Variants in COP1 observed in about 807,000 individuals in gnomAD.
The protein encoded by COP1 is E3 ubiquitin-protein ligase COP1.
In COP1, 24 loss-of-function variants were observed where a neutral mutation model predicts 101.3. That is an observed-to-expected ratio of 0.24 (90% CI 0.17 to 0.33). The LOEUF (loss-of-function observed/expected upper bound fraction) is 0.33, where lower values mean the gene tolerates loss of function less well. Among genes scored for constraint, COP1 ranks in the 10% least tolerant of loss-of-function variants. The pLI, the probability that COP1 is intolerant of heterozygous loss-of-function variation, is 1.00. For missense variants in COP1, 663 were observed against 906.2 expected (o/e 0.73, Z 3.45); for synonymous variants, 347 against 341.9 (o/e 1.01, Z -0.17).
intron 11 of COP1, among the ~76,000 whole-genome samples, chr1:176,057,906 C>T (rs1225528806): frequency 6.6e-6 from 1 of 151,990 alleles, no homozygotes; most frequent in Non-Finnish European, 1.5e-5. Flanking sequence ...CTCTGCCCGG[C>T]CGCCCATCCT....
chr1:176,005,919 T>C (rs1663066179), intron 15 of COP1, among the ~76,000 whole-genome samples: 1 of 152,158 alleles, frequency 6.6e-6, no homozygotes. Flanking sequence ...ACTTTCTGTC[T>C]CGTTGATCTG....
At chr1:176,010,606 CA>C (rs1664489976) in intron 15 of COP1, among the ~76,000 whole-genome samples, 1 of 152,134 alleles carries the variant, frequency 6.6e-6, no homozygotes, top group Non-Finnish European at 1.5e-5. Context: ...TCTATCACAT[CA>C]AAAGAAGAGG....
At chr1:176,133,255 C>CGT (rs2149717100) in intron 8 of COP1, among the ~76,000 whole-genome samples, 1 of 150,916 alleles carries the variant, frequency 6.6e-6, no homozygotes, top group African/African-American at 2.4e-5. Flanking sequence ...TACACACATA[C>CGT]GTATATACGT....
chr1:176,131,921 C>T (rs1688955251), intron 8 of COP1, among the ~76,000 whole-genome samples: 1 of 151,604 alleles, frequency 6.6e-6, no homozygotes, highest in Non-Finnish European at 1.5e-5. Context: ...AACTGCTAAC[C>T]CATTTAACTC....
chr1:176,058,366 G>A (rs1370227128), intron 11 of COP1, among the ~76,000 whole-genome samples: 1 of 152,196 alleles, frequency 6.6e-6, no homozygotes, highest in Non-Finnish European at 1.5e-5. Context: ...TCGGATGGTT[G>A]CTGTGTCTGT....
intron 9 of COP1, among the ~76,000 whole-genome samples, chr1:176,101,039 G>A (rs1305716460): frequency 6.6e-6 from 1 of 152,166 alleles, no homozygotes; most frequent in African/African-American, 2.4e-5. Flanking sequence ...CATAGATAAA[G>A]GTCACGCTAC....
At chr1:176,018,916 A>G (rs1666152468) in intron 15 of COP1, among the ~76,000 whole-genome samples, 1 of 152,120 alleles carries the variant, frequency 6.6e-6, no homozygotes, top group Non-Finnish European at 1.5e-5. Context: ...CTGTAATCCC[A>G]GCACTTTGGG....
At chr1:176,082,805 C>CA (rs367796613) in intron 10 of COP1, among the ~76,000 whole-genome samples, 2,454 of 132,800 alleles carry the variant, frequency 0.018, 17 homozygotes, top group Non-Finnish European at 0.028. Flanking sequence ...AACTCCATCT[C>CA]AAAAAAAAAA....
chr1:176,019,235 C>T (rs138195383), intron 15 of COP1, among the ~76,000 whole-genome samples: 16,381 of 151,392 alleles, frequency 0.11, 975 homozygotes, highest in Middle Eastern at 0.16. Context: ...GAGGCCGAGG[C>T]GGGCGGATCA....
intron 5 of COP1, among the ~76,000 whole-genome samples, chr1:176,154,824 A>ACGATGAC (rs1230491008): frequency 6.6e-6 from 1 of 152,224 alleles, no homozygotes; most frequent in Non-Finnish European, 1.5e-5. Context: ...ATGAAACTAG[A>ACGATGAC]CGATGACGGT....
At chr1:176,003,977 C>T (rs1451424342) in intron 15 of COP1, among the ~76,000 whole-genome samples, 2 of 150,532 alleles carry the variant, frequency 1.3e-5, no homozygotes, top group African/African-American at 4.9e-5. Flanking sequence ...TTCTTCCAAC[C>T]CATGAGCATG....
intron 18 of COP1, among the ~76,000 whole-genome samples, chr1:175,976,387 C>T (rs576367295): frequency 1.4e-5 from 2 of 144,202 alleles, no homozygotes; most frequent in Admixed American, 7.4e-5. Flanking sequence ...AAGTGATTCT[C>T]CTGCCTCAGC....
At chr1:176,055,970 A>G (rs1673403302) in intron 11 of COP1, among the ~76,000 whole-genome samples, 1 of 151,966 alleles carries the variant, frequency 6.6e-6, no homozygotes, top group African/African-American at 2.4e-5. Context: ...TAATTCCTTT[A>G]GAGTAAGGAG....
intron 9 of COP1, among the ~76,000 whole-genome samples, chr1:176,088,841 C>T (rs968308577): frequency 6.6e-6 from 1 of 151,598 alleles, no homozygotes; most frequent in Non-Finnish European, 1.5e-5. Context: ...ACTAAAACTA[C>T]AAAATTAGCC....
chr1:176,186,773 T>C (rs1416708156), intron 1 of COP1, among the ~76,000 whole-genome samples: 1 of 152,138 alleles, frequency 6.6e-6, no homozygotes, highest in Admixed American at 6.5e-5. Flanking sequence ...AGAAACAGTG[T>C]TGAAACGGAC....
chr1:176,179,510 G>A (rs144768801), intron 2 of COP1, among the ~76,000 whole-genome samples: 1 of 152,124 alleles, frequency 6.6e-6, no homozygotes, highest in African/African-American at 2.4e-5. Context: ...CGAGGCAGGA[G>A]GATTGCCTGA....
At chr1:176,202,148 C>CTTTATT (rs1287782778) in intron 1 of COP1, among the ~76,000 whole-genome samples, 6 of 145,376 alleles carry the variant, frequency 4.1e-5, no homozygotes, top group Admixed American at 2.8e-4. Flanking sequence ...CTGTTACTGT[C>CTTTATT]TTTATTACGA....
chr1:176,180,649 T>C (rs962995081), intron 2 of COP1, among the ~76,000 whole-genome samples: 1 of 152,226 alleles, frequency 6.6e-6, no homozygotes, highest in Non-Finnish European at 1.5e-5. Context: ...TTGTTTCTTC[T>C]ACTATGTATA....
At chr1:176,062,555 C>T (rs1455847141) in intron 11 of COP1, among the ~76,000 whole-genome samples, 1 of 152,156 alleles carries the variant, frequency 6.6e-6, no homozygotes, top group African/African-American at 2.4e-5. Context: ...AACAATCCAA[C>T]CACTTTAAAA....
Sources: allele counts gnomAD v4.1 joint callset (sites outside exome capture counted in the v4.1 genomes callset), GRCh38; gene constraint gnomAD v4.1.1; transcripts MANE v1.5; gene names NCBI Gene and HGNC (gene_info 2026-07-23, HGNC 2026-07-21).